Variants in PPM1L observed in about 807,000 individuals in gnomAD.
PPM1L encodes the protein protein phosphatase 1L.
A neutral mutation model predicts 31.4 loss-of-function variants in PPM1L; 13 were observed. That is an observed-to-expected ratio of 0.41 (90% CI 0.27 to 0.66). The LOEUF (loss-of-function observed/expected upper bound fraction) is 0.66, where lower values mean the gene tolerates loss of function less well. Among genes scored for constraint, PPM1L ranks in the 30% least tolerant of loss-of-function variants. The pLI, the probability that PPM1L is intolerant of heterozygous loss-of-function variation, is 0.29. For missense variants in PPM1L, 326 were observed against 453.7 expected (o/e 0.72, Z 2.56); for synonymous variants, 184 against 175.4 (o/e 1.05, Z -0.39).
chr3:160,911,496 C>T (rs1417385238), intron 1 of PPM1L, among the ~76,000 whole-genome samples: 1 of 152,204 alleles, frequency 6.6e-6, no homozygotes, highest in Non-Finnish European at 1.5e-5. Flanking sequence ...AGTGGGTTGG[C>T]CTCAACCACT....
intron 2 of PPM1L, among the ~76,000 whole-genome samples, chr3:161,006,982 C>G (rs76688183): frequency 0.057 from 8,648 of 152,228 alleles, 280 homozygotes; most frequent in African/African-American, 0.065. Context: ...GCGCCCGGCC[C>G]CCTACCTTCT....
At chr3:161,048,035 T>G (rs1405957067) in intron 2 of PPM1L, among the ~76,000 whole-genome samples, 2 of 152,160 alleles carry the variant, frequency 1.3e-5, no homozygotes, top group African/African-American at 4.8e-5. Flanking sequence ...GGGCAAGGAC[T>G]TCATGACTAA....
At chr3:160,978,364 A>T (rs1350224256) in intron 2 of PPM1L, among the ~76,000 whole-genome samples, 1 of 152,214 alleles carries the variant, frequency 6.6e-6, no homozygotes, top group Non-Finnish European at 1.5e-5. Flanking sequence ...CCGAGGCAGC[A>T]TCTGAGCAGA....
At chr3:161,066,826 A>C (rs980281142) in intron 3 of PPM1L, among the ~76,000 whole-genome samples, 14 of 152,218 alleles carry the variant, frequency 9.2e-5, no homozygotes, top group African/African-American at 3.1e-4. Flanking sequence ...GAATGAACCT[A>C]ATCAACATTT....
intron 1 of PPM1L, among the ~76,000 whole-genome samples, chr3:160,832,793 G>T: frequency 6.6e-6 from 1 of 152,060 alleles, no homozygotes; most frequent in East Asian, 1.9e-4. Context: ...CAAGATACAT[G>T]TGCAGGATAT....
chr3:160,783,328 G>A (rs1000278504), intron 1 of PPM1L, among the ~76,000 whole-genome samples: 2 of 152,080 alleles, frequency 1.3e-5, no homozygotes, highest in Non-Finnish European at 2.9e-5. Flanking sequence ...GGCTGGGTGC[G>A]GTGGCTCACG....
chr3:160,862,705 A>ACACACACACACAC (rs1560130395), intron 1 of PPM1L, among the ~76,000 whole-genome samples: 5 of 83,960 alleles, frequency 6.0e-5, no homozygotes, highest in Non-Finnish European at 5.3e-5. Flanking sequence ...CACACACACA[A>ACACACACACACAC]AATTCTGAAA....
chr3:160,887,096 G>A lies in PPM1L; in HGVS notation c.400-74640G>A, dbSNP rs185837681. On this transcript the variant is annotated intron_variant, in intron 1 of 3. Coordinates refer to ENST00000498165, the MANE Select transcript of PPM1L (RefSeq NM_139245.4). Reference sequence around the variant, plus strand: ...TATCAATAGCTGAATCAATCAAGCAGAAGAAAGGATATCAGAGTTTTAAGA... The same window carrying A: ...TATCAATAGCTGAATCAATCAAGCAAAAGAAAGGATATCAGAGTTTTAAGA... 1.9e-3 allele frequency among the ~76,000 whole-genome samples: 292 copies of A among 151,900 alleles called. 2 individuals carry two copies. Among genetic ancestry groups the A allele is most frequent in the Middle Eastern group, 0.01 (3 of 292 alleles).
intron 1 of PPM1L, among the ~76,000 whole-genome samples, chr3:160,917,904 A>G (rs1000050529): frequency 2.0e-5 from 3 of 152,130 alleles, no homozygotes; most frequent in African/African-American, 7.2e-5. Flanking sequence ...ATAAAATTCA[A>G]GATAGATTTC....
chr3:160,908,641 C>T (rs1324392297), intron 1 of PPM1L, among the ~76,000 whole-genome samples: 1 of 152,058 alleles, frequency 6.6e-6, no homozygotes, highest in African/African-American at 2.4e-5. Flanking sequence ...AATATGAACA[C>T]ACAGAGATAA....
At chr3:161,010,161 C>T (rs756407349) in intron 2 of PPM1L, among the ~76,000 whole-genome samples, 2 of 152,024 alleles carry the variant, frequency 1.3e-5, no homozygotes, top group Non-Finnish European at 2.9e-5. Flanking sequence ...CCTCCCCCCA[C>T]CCCATGACAG....
chr3:161,057,750 G>C (rs1183834841), intron 2 of PPM1L, among the ~76,000 whole-genome samples: 1 of 152,004 alleles, frequency 6.6e-6, no homozygotes, highest in Non-Finnish European at 1.5e-5. Flanking sequence ...CCCTGAGCAC[G>C]TGTTCTCCCA....
At chr3:160,888,392 C>CA (rs1193489138) in intron 1 of PPM1L, among the ~76,000 whole-genome samples, 1 of 152,078 alleles carries the variant, frequency 6.6e-6, no homozygotes, top group Non-Finnish European at 1.5e-5. Context: ...TCATCTCTGA[C>CA]AAAACGGACT....
intron 1 of PPM1L, among the ~76,000 whole-genome samples, chr3:160,862,290 T>C (rs1711920323): frequency 6.6e-6 from 1 of 152,188 alleles, no homozygotes; most frequent in South Asian, 2.1e-4. Context: ...TCTGATTTGA[T>C]AAAAGCTTCC....
At position 160,914,798 on chromosome 3, in the gene PPM1L, T is replaced by C. The variant is rs1295846377; in HGVS notation, c.400-46938T>C. On this transcript the variant is annotated intron_variant, in intron 1 of 3. Coordinates refer to ENST00000498165, the MANE Select transcript of PPM1L (RefSeq NM_139245.4). ...AGCATGATTTATAATCCTTTGGGTA[T>C]ATACCCAGTAATGGGATTGCTGGGT... 6.6e-5 allele frequency among the ~76,000 whole-genome samples: 10 copies of C among 152,274 alleles called. No homozygotes were observed. The East Asian group carries it at 1.7e-3, about 26-fold the overall frequency.
intron 2 of PPM1L, among the ~76,000 whole-genome samples, chr3:161,029,799 GA>G (rs1480136786): frequency 6.6e-6 from 1 of 152,108 alleles, no homozygotes; most frequent in Non-Finnish European, 1.5e-5. Flanking sequence ...CTGAGCCATA[GA>G]GCAGAACTGG....
In PPM1L at chr3:160,906,602, T is replaced by TAAAGAAAAGAAAAGA. The variant is rs746931085; in HGVS notation, c.400-55117_400-55103dup. On this transcript the variant is annotated intron_variant, in intron 1 of 3. Coordinates refer to ENST00000498165, the MANE Select transcript of PPM1L (RefSeq NM_139245.4). ...GACAACAGAGTGAGACTCTGTCTCA[T>TAAAGAAAAGAAAAGA]AAAGAAAAGAAAAGAAAAGAAAAGA... Among the ~76,000 whole-genome samples the TAAAGAAAAGAAAAGA allele has an allele frequency of 2.1e-3, 205 of 98,000 alleles. 1 individual carries two copies. The highest frequency in any genetic ancestry group is 6.3e-3 in the African/African-American group (131 of 20,852). 64.3% of individuals were successfully genotyped at this position (98,000 alleles called of 152,430 possible).
rs531187578 is a variant in PPM1L at position 160,890,829 on chromosome 3, C to A, written c.400-70907C>A. Among the ~76,000 whole-genome samples the A allele has an allele frequency of 1.1e-4, 16 of 152,268 alleles. No individual in the cohort carries two copies. In the South Asian group the frequency reaches 3.3e-3, roughly 32 times the overall value. On this transcript the variant is annotated intron_variant, in intron 1 of 3. Coordinates refer to ENST00000498165, the MANE Select transcript of PPM1L (RefSeq NM_139245.4). ...CCTCAGAAATAACGCCACACATCTA[C>A]AACCATCTGAGCTTCGACAAACCTG... is the stretch of plus-strand genomic sequence containing the variant.
chr3:160,789,825 G>A (rs1469237035), intron 1 of PPM1L, among the ~76,000 whole-genome samples: 2 of 151,954 alleles, frequency 1.3e-5, no homozygotes, highest in East Asian at 1.9e-4. Context: ...TGTGTGTATA[G>A]TCTTCCCTTG....
Sources: gnomAD v4.1 joint callset for allele counts (sites outside exome capture counted in the v4.1 genomes callset) on GRCh38, gnomAD v4.1.1 for gene constraint, MANE v1.5 for transcripts, NCBI Gene and HGNC (gene_info 2026-07-23, HGNC 2026-07-21) for gene names.